Variants in FAT3 observed in about 807,000 individuals in gnomAD.
The protein encoded by FAT3 is protocadherin Fat 3.
A neutral mutation model predicts 310.2 loss-of-function variants in FAT3; 95 were observed. The ratio of observed to expected loss-of-function variants is 0.31; its 90% CI spans 0.26 to 0.36. The LOEUF is 0.36. Among genes scored for constraint, FAT3 ranks in the 10% least tolerant of loss-of-function variants. The pLI is 1.00. For missense variants in FAT3, 5,408 were observed against 5,715.6 expected, an observed-to-expected ratio of 0.95 and a Z score of 1.74; for synonymous variants, 2,314 against 2,192.9, an observed-to-expected ratio of 1.06 and a Z score of -1.54.
intron 2 of FAT3, among the ~76,000 whole-genome samples, chr11:92,408,533 T>C (rs1243008631): frequency 2.0e-5 from 3 of 152,088 alleles, no homozygotes; most frequent in Admixed American, 1.3e-4. Flanking sequence ...ATTAAATAAG[T>C]GTATGAAACA....
chr11:92,232,215 C>T (rs906908292), intron 1 of FAT3, among the ~76,000 whole-genome samples: 17 of 152,158 alleles, frequency 1.1e-4, no homozygotes, highest in African/African-American at 3.9e-4. Flanking sequence ...ACTTTAACAT[C>T]GCCCATGTTA....
intron 3 of FAT3, among the ~76,000 whole-genome samples, chr11:92,563,615 A>T (rs1444884389): frequency 6.6e-6 from 1 of 152,134 alleles, no homozygotes; most frequent in Non-Finnish European, 1.5e-5. Context: ...ATTTCTCTCG[A>T]CTTATCCTAC....
At chr11:92,525,023 A>C in intron 3 of FAT3, 75 bp downstream of exon 3, 1 of 1,210,276 alleles carries the variant, frequency 8.3e-7, no homozygotes, top group Non-Finnish European at 1.2e-6. Context: ...CACTTTCTGT[A>C]CTCATTTACT....
chr11:92,330,660 C>T (rs1358084541), intron 1 of FAT3, among the ~76,000 whole-genome samples: 2 of 152,042 alleles, frequency 1.3e-5, no homozygotes, highest in Non-Finnish European at 2.9e-5. Context: ...TTTTAATAAA[C>T]TCTAAGGGCA....
chr11:92,565,907 A>G (rs1955421554), intron 3 of FAT3, among the ~76,000 whole-genome samples: 1 of 152,126 alleles, frequency 6.6e-6, no homozygotes, highest in Non-Finnish European at 1.5e-5. Flanking sequence ...AGAGCTATCT[A>G]TGACAAAACC....
intron 1 of FAT3, among the ~76,000 whole-genome samples, chr11:92,335,238 T>A (rs1294309462): frequency 6.6e-6 from 1 of 151,272 alleles, no homozygotes; most frequent in Non-Finnish European, 1.5e-5. Context: ...GGAAAAATAA[T>A]CCCCACCTAT....
intron 3 of FAT3, among the ~76,000 whole-genome samples, chr11:92,657,434 T>C (rs1942623691): frequency 1.3e-5 from 2 of 152,206 alleles, no homozygotes. Context: ...AGACAGGAAG[T>C]AGTGGGCACA....
intron 2 of FAT3, among the ~76,000 whole-genome samples, chr11:92,407,291 G>A (rs950082406): frequency 3.9e-5 from 6 of 152,052 alleles, no homozygotes; most frequent in African/African-American, 9.7e-5. Context: ...TGGAGGCTCC[G>A]GTATGCTAAA....
rs1184782998 is a variant in FAT3, at chr11:92,550,708, G to A, written c.3607+25760G>A. Among the ~76,000 whole-genome samples, 10 of 151,576 alleles carry A rather than the reference G, an allele frequency of 6.6e-5. No individual in the cohort carries two copies. The East Asian group carries it at 1.8e-3, about 27-fold the overall frequency. On this transcript the variant is annotated intron_variant, in intron 3 of 27. Transcript: ENST00000525166. ...TGGCAAGCTATTACCCAAATCTCCT[G>A]CCAAGTGAAAGCTAGGACTTTTAGA... is the stretch of plus-strand genomic sequence containing the variant.
intron 3 of FAT3, among the ~76,000 whole-genome samples, chr11:92,566,793 T>C (rs1011681662): frequency 6.6e-5 from 10 of 152,184 alleles, no homozygotes; most frequent in African/African-American, 2.4e-4. Flanking sequence ...GGGAAAGGAT[T>C]CCCTATTTAA....
intron 1 of FAT3, among the ~76,000 whole-genome samples, chr11:92,335,309 G>A (rs1479533195): frequency 6.6e-6 from 1 of 152,092 alleles, no homozygotes; most frequent in Non-Finnish European, 1.5e-5. Flanking sequence ...TCAAATTGAA[G>A]GTTTCACTCT....
chr11:92,742,941 G>T (rs1945550639), intron 4 of FAT3, among the ~76,000 whole-genome samples: 1 of 152,158 alleles, frequency 6.6e-6, no homozygotes, highest in South Asian at 2.1e-4. Context: ...AGACACTGGA[G>T]GCTAAGAATA....
At chr11:92,823,536 T>C (rs1372801217) in intron 13 of FAT3, among the ~76,000 whole-genome samples, 1 of 152,200 alleles carries the variant, frequency 6.6e-6, no homozygotes, top group Non-Finnish European at 1.5e-5. Context: ...GTCTTAATAC[T>C]GTTTAAACAA....
intron 1 of FAT3, among the ~76,000 whole-genome samples, chr11:92,329,820 TG>T (rs1379427271): frequency 1.4e-4 from 1 of 7,184 alleles, no homozygotes; most frequent in East Asian, 4.0e-3. Flanking sequence ...TTTGGGAGCT[TG>T]CCTTACCAAT....
At chr11:92,525,748 C>G (rs554758713) in intron 3 of FAT3, among the ~76,000 whole-genome samples, 2 of 151,936 alleles carry the variant, frequency 1.3e-5, no homozygotes, top group Non-Finnish European at 2.9e-5. Context: ...TTAATTTCAC[C>G]CTGGGCAAGT....
chr11:92,758,519 G>C (rs1366637328), intron 4 of FAT3, among the ~76,000 whole-genome samples: 1 of 152,190 alleles, frequency 6.6e-6, no homozygotes, highest in African/African-American at 2.4e-5. Context: ...CCATGTAACT[G>C]AGCATAGAGA....
intron 2 of FAT3, among the ~76,000 whole-genome samples, chr11:92,411,121 T>TTTATATA (rs910650052): frequency 7.8e-6 from 1 of 127,762 alleles, no homozygotes; most frequent in Non-Finnish European, 1.6e-5. Flanking sequence ...AATATATATA[T>TTTATATA]TTATATATTA....
chr11:92,441,030 CTT>C (rs1951054245), intron 2 of FAT3, among the ~76,000 whole-genome samples: 1 of 152,212 alleles, frequency 6.6e-6, no homozygotes, highest in African/African-American at 2.4e-5. Flanking sequence ...TGTCTCACTA[CTT>C]GTCATTTATT....
intron 3 of FAT3, among the ~76,000 whole-genome samples, chr11:92,687,033 C>T (rs891098386): frequency 2.0e-5 from 3 of 152,112 alleles, no homozygotes; most frequent in African/African-American, 4.8e-5. Flanking sequence ...AATTTTCAGA[C>T]ATTTTGGGGG....
Sources: gnomAD v4.1 joint callset for allele counts (sites outside exome capture counted in the v4.1 genomes callset) on GRCh38, gnomAD v4.1.1 for gene constraint, MANE v1.5 for transcripts, NCBI Gene and HGNC (gene_info 2026-07-23, HGNC 2026-07-21) for gene names.